MYO1D: variants seen among roughly 807,000 people sequenced by gnomAD.
MYO1D encodes the protein myosin ID.
Under a neutral mutation model 122.0 loss-of-function variants are expected in MYO1D, and 83 were observed. The ratio of observed to expected loss-of-function variants is 0.68; its 90% CI spans 0.57 to 0.82. The LOEUF is 0.82. Ranked by LOEUF, MYO1D falls within the 40% of genes least tolerant of loss-of-function variation. The pLI, the probability that MYO1D is intolerant of heterozygous loss-of-function variation, is 0.00. For synonymous variants in MYO1D, 464 were observed against 446.9 expected (o/e 1.04, Z -0.48); for missense variants, 1,157 against 1,269.5 (o/e 0.91, Z 1.35).
chr17:32,718,498 G>C (rs2089472496), intron 15 of MYO1D, among the ~76,000 whole-genome samples: 1 of 152,084 alleles, frequency 6.6e-6, no homozygotes, highest in Middle Eastern at 3.2e-3. Flanking sequence ...AGGAGGTTGA[G>C]ACCAGCCTGG....
At chr17:32,560,642 TG>T (rs1326001631) in intron 21 of MYO1D, among the ~76,000 whole-genome samples, 2 of 145,134 alleles carry the variant, frequency 1.4e-5, no homozygotes, top group Admixed American at 6.9e-5. Context: ...TTTTTTGAGA[TG>T]GAGTCTTGCT....
intron 7 of MYO1D, among the ~76,000 whole-genome samples, chr17:32,766,430 A>C (rs551404304): frequency 6.6e-6 from 1 of 152,136 alleles, no homozygotes; most frequent in Non-Finnish European, 1.5e-5. Context: ...ACCCTACCCT[A>C]TACGACACTT....
chr17:32,618,002 T>C (rs1394954040), intron 20 of MYO1D, among the ~76,000 whole-genome samples: 3 of 152,204 alleles, frequency 2.0e-5, no homozygotes, highest in Non-Finnish European at 2.9e-5. Flanking sequence ...AAAGTTGTTA[T>C]GGTGAATGTT....
chr17:32,607,146 C>A (rs187622491), intron 20 of MYO1D, among the ~76,000 whole-genome samples: 41 of 151,538 alleles, frequency 2.7e-4, no homozygotes, highest in Admixed American at 8.5e-4. Context: ...GGCAACAGAG[C>A]GAGACTCCAT....
chr17:32,536,057 G>T (rs1910656934), intron 21 of MYO1D, among the ~76,000 whole-genome samples: 2 of 151,560 alleles, frequency 1.3e-5, no homozygotes, highest in African/African-American at 4.8e-5. Flanking sequence ...TTTTGAGATG[G>T]AGTCTTGCTC....
intron 21 of MYO1D, among the ~76,000 whole-genome samples, chr17:32,602,207 A>C (rs1567905015): frequency 6.6e-6 from 1 of 152,192 alleles, no homozygotes; most frequent in South Asian, 2.1e-4. Flanking sequence ...ATAATGACTT[A>C]CAATGTCTGT....
chr17:32,564,298 C>T (rs964879436), intron 21 of MYO1D, among the ~76,000 whole-genome samples: 3 of 152,194 alleles, frequency 2.0e-5, no homozygotes, highest in Non-Finnish European at 4.4e-5. Context: ...TCTTTACCCT[C>T]CCTCTGAAGT....
At chr17:32,527,504 T>C (rs1230147034) in intron 21 of MYO1D, among the ~76,000 whole-genome samples, 6 of 152,158 alleles carry the variant, frequency 3.9e-5, no homozygotes, top group Non-Finnish European at 8.8e-5. Context: ...CAAAGCTACA[T>C]AAAAGTAGCC....
Position 32,821,409 on chromosome 17 carries a change from T to C in MYO1D, c.96-40625A>G, listed in dbSNP as rs72815092. Reference sequence around the variant, plus strand: ...AAATAAAGAAATGAATGAATACATATGTACATAAAATTTAATTTAGTTTTA... The same window carrying C: ...AAATAAAGAAATGAATGAATACATACGTACATAAAATTTAATTTAGTTTTA... On this transcript the variant is annotated intron_variant, in intron 1 of 21. Transcript: ENST00000318217. Among the ~76,000 whole-genome samples the C allele has an allele frequency of 1.4e-4, 21 of 152,262 alleles. 1 individual carries two copies. Among genetic ancestry groups the C allele is most frequent in the African/African-American group, 3.9e-4 (16 of 41,540 alleles).
intron 1 of MYO1D, chr17:32,792,452 G>A (rs1045976878): frequency 1.3e-5 from 2 of 152,058 alleles, no homozygotes; most frequent in African/African-American, 2.4e-5. Context: ...CTTTCAATAA[G>A]GTTCAGCCCA....
intron 21 of MYO1D, among the ~76,000 whole-genome samples, chr17:32,549,835 A>G (rs888212938): frequency 6.6e-6 from 1 of 152,214 alleles, no homozygotes; most frequent in African/African-American, 2.4e-5. Flanking sequence ...AATAGGAGTA[A>G]AATGCAGTGT....
chr17:32,789,832 C>T (rs2090332406), intron 1 of MYO1D, among the ~76,000 whole-genome samples: 1 of 152,120 alleles, frequency 6.6e-6, no homozygotes, highest in South Asian at 2.1e-4. Context: ...AAGGGTATCT[C>T]CCTTGACGGT....
intron 4 of MYO1D, among the ~76,000 whole-genome samples, chr17:32,773,745 T>C (rs1367505927): frequency 2.0e-5 from 3 of 152,102 alleles, no homozygotes; most frequent in Admixed American, 2.0e-4. Context: ...AACTCAACAA[T>C]GGTTCCAAAC....
intron 1 of MYO1D, among the ~76,000 whole-genome samples, chr17:32,798,351 T>A (rs1049452294): frequency 1.3e-5 from 2 of 152,218 alleles, no homozygotes; most frequent in African/African-American, 4.8e-5. Context: ...CTTTTAATAC[T>A]TCCTATATTC....
intron 13 of MYO1D, 138 bp downstream of exon 13, chr17:32,745,073 C>A: frequency 1.7e-6 from 1 of 595,874 alleles, no homozygotes; most frequent in Non-Finnish European, 3.0e-6. Context: ...TAGTTATATG[C>A]TATTTATTAA....
chr17:32,597,572 T>C (rs1452123670), intron 21 of MYO1D, among the ~76,000 whole-genome samples: 1 of 152,202 alleles, frequency 6.6e-6, no homozygotes, highest in Non-Finnish European at 1.5e-5. Context: ...TATCCAGTGA[T>C]AGATACGGAT....
intron 21 of MYO1D, among the ~76,000 whole-genome samples, chr17:32,542,699 A>C (rs1292881133): frequency 2.6e-5 from 4 of 152,064 alleles, no homozygotes; most frequent in African/African-American, 4.8e-5. Context: ...TATTTCAGGA[A>C]TATCTAAATA....
chr17:32,795,276 A>G (rs2090402389), intron 1 of MYO1D, among the ~76,000 whole-genome samples: 1 of 152,210 alleles, frequency 6.6e-6, no homozygotes, highest in African/African-American at 2.4e-5. Flanking sequence ...AACACAGATC[A>G]TCAGCAGTGG....
intron 16 of MYO1D, among the ~76,000 whole-genome samples, chr17:32,705,436 C>CTT (rs5819993): frequency 6.6e-6 from 1 of 151,178 alleles, no homozygotes; most frequent in Admixed American, 6.6e-5. Context: ...ATTTTTTGTA[C>CTT]TTTTTTTTAG....
Sources: gnomAD v4.1 joint callset for allele counts (sites outside exome capture counted in the v4.1 genomes callset) on GRCh38, gnomAD v4.1.1 for gene constraint, MANE v1.5 for transcripts, NCBI Gene and HGNC (gene_info 2026-07-23, HGNC 2026-07-21) for gene names.